MYH14: variants seen among roughly 807,000 people sequenced by gnomAD.
MYH14 encodes myosin heavy chain 14, also known as myosin-14.
A neutral mutation model predicts 255.5 loss-of-function variants in MYH14; 123 were observed. The ratio of observed to expected loss-of-function variants is 0.48; its 90% CI spans 0.42 to 0.56. MYH14 has a LOEUF of 0.56. MYH14 is among the 20% of genes least tolerant of loss of function. The probability of loss-of-function intolerance (pLI) is 0.00; values close to 1 mark genes in which losing one functional copy is unlikely to be tolerated. For synonymous variants in MYH14, 1,095 were observed against 1,161.2 expected (o/e 0.94, Z 1.16); for missense variants, 2,423 against 2,802.3 (o/e 0.86, Z 3.06).
In MYH14 at chr19:50,210,744, G is replaced by A. The variant is rs748169419; in HGVS notation, c.379G>A (p.Glu127Lys). Residue 127 changes from glutamate to lysine, a missense_variant, in exon 2 of 43, where the codon GAG (glutamate) becomes AAG (lysine). By Grantham distance (56) the Glu-to-Lys change is moderately conservative. Transcript: ENST00000642316. ...GGCCTCGGTCCTGCACAACCTCCGGGAGCGGTACTACTCCGGCCTCATCTA... is the reference window on the plus strand; with the variant it reads ...GGCCTCGGTCCTGCACAACCTCCGGAAGCGGTACTACTCCGGCCTCATCTA... ...NEASVLHNLRERYYSGLIYTY... is the reference protein window; with the variant it reads ...NEASVLHNLRKRYYSGLIYTY... The A allele has an allele frequency of 1.9e-6, 3 of 1,580,890 alleles. No homozygotes were observed. The South Asian group carries it at 3.5e-5, about 18-fold the overall frequency.
At chr19:50,244,394 GC>G in intron 11 of MYH14, 57 bp downstream of exon 11, 3 of 1,401,410 alleles carry the variant, frequency 2.1e-6, no homozygotes, top group Non-Finnish European at 3.0e-6. Flanking sequence ...GTGGTGCCCA[GC>G]CCTCCTGCAC....
chr19:50,292,017 G>T (rs1023077209), intron 36 of MYH14, among the ~76,000 whole-genome samples: 1 of 152,160 alleles, frequency 6.6e-6, no homozygotes, highest in African/African-American at 2.4e-5. Context: ...GCTCCATCAG[G>T]CTTCCAGCTG....
chr19:50,293,329 C>G lies in MYH14; in HGVS notation c.5345+8C>G. 6.3e-7 allele frequency: 1 copy of G among 1,592,732 alleles called. No individual in the cohort carries two copies. The highest frequency in any genetic ancestry group is 8.6e-7 in the Non-Finnish European group (1 of 1,168,818). ...CAATGGTAACCTTAGCAAGTAAGTG[C>G]CCCAAGGGTCTGAAGGCTGAGGTAC... On this transcript the variant is annotated splice_region_variant and intron_variant, in intron 38 of 42. Coordinates refer to ENST00000642316, the MANE Select transcript of MYH14 (RefSeq NM_001145809.2). The surrounding 1 kb of genome is among the most constrained non-coding windows in gnomAD (Gnocchi z 4.1).
intron 12 of MYH14, among the ~76,000 whole-genome samples, chr19:50,247,554 C>T (rs1366210323): frequency 6.6e-6 from 1 of 151,848 alleles, no homozygotes; most frequent in East Asian, 1.9e-4. Flanking sequence ...GATGTAAATG[C>T]AACATGGTAT....
chr19:50,214,129 G>A (rs1048565185), intron 2 of MYH14, among the ~76,000 whole-genome samples: 1 of 152,090 alleles, frequency 6.6e-6, no homozygotes, highest in East Asian at 1.9e-4. Context: ...TGCCCAGCTG[G>A]GGTTCACATT....
chr19:50,301,041 T>C (rs1279646904), intron 39 of MYH14, among the ~76,000 whole-genome samples: 1 of 151,934 alleles, frequency 6.6e-6, no homozygotes, highest in African/African-American at 2.4e-5. Flanking sequence ...TCAGACTGGG[T>C]CTGACTCACT....
Position 50,264,213 on chromosome 19 carries a change from C to T in MYH14, c.2694+793C>T, listed in dbSNP as rs138319666. Among the ~76,000 whole-genome samples the T allele has an allele frequency of 4.6e-5, 7 of 152,210 alleles. No individual in the cohort carries two copies. In the East Asian group the frequency reaches 5.8e-4, roughly 13 times the overall value. On this transcript the variant is annotated intron_variant, in intron 22 of 42. Coordinates refer to ENST00000642316, the MANE Select transcript of MYH14 (RefSeq NM_001145809.2). ...CAGCAATGAAGTATGATAATATGCA[C>T]GGAGTATTGCCAACCAGGGAAGCTC...
At chr19:50,224,650 T>C (rs914858802) in intron 6 of MYH14, among the ~76,000 whole-genome samples, 3 of 152,220 alleles carry the variant, frequency 2.0e-5, no homozygotes, top group Non-Finnish European at 4.4e-5. Context: ...GCACCTACTG[T>C]GTGCCAGGCT....
In MYH14 at chr19:50,264,055, C is replaced by CA. The variant is rs34015428; in HGVS notation, c.2694+656dup. Among the ~76,000 whole-genome samples, 114 of 33,330 alleles carry CA rather than the reference C, an allele frequency of 3.4e-3. 1 individual carries two copies. The highest frequency in any genetic ancestry group is 9.4e-3 in the African/African-American group (69 of 7,364). 21.9% of individuals were successfully genotyped at this position (33,330 alleles called of 152,430 possible). A position where few individuals can be genotyped will look rare whatever the true frequency, so the allele number is the denominator to read the frequency against. On this transcript the variant is annotated intron_variant, in intron 22 of 42. Coordinates refer to ENST00000642316, the MANE Select transcript of MYH14 (RefSeq NM_001145809.2). The stretch of plus-strand genomic sequence containing the variant: ...TGGGCAATACAGCAAAACTCTGTCT[C>CA]AAAAAAAAAAAAAAAAAAAAAGAGC...
At chr19:50,242,422 A>G (rs2033927254) in intron 10 of MYH14, among the ~76,000 whole-genome samples, 1 of 152,166 alleles carries the variant, frequency 6.6e-6, no homozygotes, top group Admixed American at 6.6e-5. Flanking sequence ...CACATCTTAC[A>G]TGGTGGCAGG....
In MYH14 at chr19:50,224,142, T is replaced by C; in HGVS notation, c.694-12T>C. On this transcript the variant is annotated splice_polypyrimidine_tract_variant and intron_variant, in intron 5 of 42. Coordinates refer to ENST00000642316, the MANE Select transcript of MYH14 (RefSeq NM_001145809.2). ...GTCCTGGTCCGTGTCTCGTGTCCCG[T>C]GACTTCCTCAGGCCTCCGTCAGCAC... 6.2e-7 allele frequency: 1 copy of C among 1,611,804 alleles called. No homozygotes were observed. The highest frequency in any genetic ancestry group is 1.3e-5 in the African/African-American group (1 of 74,766).
At position 50,222,736 on chromosome 19, in the gene MYH14, G is replaced by C. The variant is rs546325058; in HGVS notation, c.563-347G>C. Reference sequence around the variant, plus strand: ...TAGACATCTTATATTACAGGACCTCGCTTCTGTCTTTGAATCTCACATGCC... The same window carrying C: ...TAGACATCTTATATTACAGGACCTCCCTTCTGTCTTTGAATCTCACATGCC... On this transcript the variant is annotated intron_variant, in intron 3 of 42. Transcript: ENST00000642316. Among the ~76,000 whole-genome samples, 3 of 152,166 alleles carry C rather than the reference G, an allele frequency of 2.0e-5. No homozygotes were observed. The East Asian group carries it at 5.8e-4, about 30-fold the overall frequency.
rs977011398 is a variant in MYH14 at position 50,277,059 on chromosome 19, T to A, written c.3825+158T>A. On this transcript the variant is annotated intron_variant, in intron 29 of 42. Coordinates refer to ENST00000642316, the MANE Select transcript of MYH14 (RefSeq NM_001145809.2). ...GCATCTTTCATTCAGCAAGCATTAA[T>A]GGGGTGTGGACTATGTTCCAGGAGC... 2.6e-5 allele frequency among the ~76,000 whole-genome samples: 4 copies of A among 152,312 alleles called. 1 individual carries two copies. The highest frequency in any genetic ancestry group is 3.9e-4 in the East Asian group (2 of 5,180).
intron 11 of MYH14, among the ~76,000 whole-genome samples, chr19:50,245,603 G>A (rs2034081521): frequency 6.6e-6 from 1 of 152,084 alleles, no homozygotes; most frequent in South Asian, 2.1e-4. Context: ...AAATGGAATC[G>A]TGCTTCACCC....
At chr19:50,207,083 G>C (rs949418223) in intron 1 of MYH14, among the ~76,000 whole-genome samples, 2 of 148,344 alleles carry the variant, frequency 1.3e-5, no homozygotes, top group African/African-American at 2.5e-5. Flanking sequence ...AAAAAGGCTG[G>C]GCCTGATGGT....
intron 21 of MYH14, among the ~76,000 whole-genome samples, chr19:50,262,406 A>G (rs1277966678): frequency 6.6e-6 from 1 of 151,746 alleles, no homozygotes; most frequent in Non-Finnish European, 1.5e-5. Context: ...AAAAATACAA[A>G]AATTAGCCGT....
chr19:50,267,454 C>G (rs2035129538), intron 23 of MYH14, among the ~76,000 whole-genome samples: 1 of 152,010 alleles, frequency 6.6e-6, no homozygotes, highest in Non-Finnish European at 1.5e-5. Flanking sequence ...GAGTTCAAGA[C>G]CACTCTGGCC....
intron 39 of MYH14, among the ~76,000 whole-genome samples, chr19:50,299,683 G>A (rs1251949129): frequency 1.3e-5 from 2 of 151,232 alleles, no homozygotes; most frequent in African/African-American, 2.4e-5. Flanking sequence ...GATGGCTCAC[G>A]CCTATAATCC....
intron 24 of MYH14, among the ~76,000 whole-genome samples, chr19:50,270,795 C>T (rs1189112105): frequency 7.9e-5 from 12 of 151,542 alleles, no homozygotes; most frequent in African/African-American, 1.9e-4. Context: ...CCTGGGTTCA[C>T]GCCATTCTCC....
Sources: allele counts gnomAD v4.1 joint callset (sites outside exome capture counted in the v4.1 genomes callset), GRCh38; gene constraint gnomAD v4.1.1; non-coding constraint Gnocchi (gnomAD v3.1); transcripts MANE v1.5; gene names NCBI Gene and HGNC (gene_info 2026-07-23, HGNC 2026-07-21).